KCNK2: variants seen among roughly 807,000 people sequenced by gnomAD.
KCNK2 encodes the protein potassium two pore domain channel subfamily K member 2.
Under a neutral mutation model 40.5 loss-of-function variants are expected in KCNK2, and 21 were observed. The ratio of observed to expected loss-of-function variants is 0.52; its 90% CI spans 0.37 to 0.75. KCNK2 has a LOEUF of 0.75. Among genes scored for constraint, KCNK2 ranks in the 30% least tolerant of loss-of-function variants. The pLI is 0.00. For synonymous variants in KCNK2, 191 were observed against 202.2 expected (o/e 0.94, Z 0.47); for missense variants, 399 against 531.6 (o/e 0.75, Z 2.45).
intron 3 of KCNK2, among the ~76,000 whole-genome samples, chr1:215,151,772 G>T (rs1490265448): frequency 1.3e-5 from 2 of 151,650 alleles, no homozygotes; most frequent in Non-Finnish European, 2.9e-5. Flanking sequence ...TTTTTTGTTT[G>T]TTTTTTATTA....
At chr1:215,144,753 TG>T (rs890863326) in intron 3 of KCNK2, among the ~76,000 whole-genome samples, 2 of 152,146 alleles carry the variant, frequency 1.3e-5, no homozygotes, top group Non-Finnish European at 2.9e-5. Flanking sequence ...TGGTTTATAT[TG>T]TGAATATAAA....
At chr1:215,135,194 C>T (rs1451867958) in intron 3 of KCNK2, among the ~76,000 whole-genome samples, 1 of 152,014 alleles carries the variant, frequency 6.6e-6, no homozygotes, top group Non-Finnish European at 1.5e-5. Context: ...AGGAGTGATA[C>T]AGTACAAGGA....
intron 3 of KCNK2, among the ~76,000 whole-genome samples, chr1:215,162,896 G>A (rs570238041): frequency 1.6e-4 from 24 of 150,548 alleles, no homozygotes; most frequent in African/African-American, 4.4e-4. Flanking sequence ...TATTAGGATC[G>A]TCTTGGCTAT....
chr1:215,088,812 G>A (rs1659570143), intron 2 of KCNK2, among the ~76,000 whole-genome samples: 2 of 151,974 alleles, frequency 1.3e-5, no homozygotes, highest in South Asian at 4.1e-4. Context: ...TTTTCTTTAT[G>A]CTCTGCATTG....
chr1:215,028,619 A>G, intron 1 of KCNK2, among the ~76,000 whole-genome samples: 1 of 152,280 alleles, frequency 6.6e-6, no homozygotes, highest in South Asian at 2.1e-4. Context: ...CAGACATTTA[A>G]AAGCTATGCA....
intron 2 of KCNK2, among the ~76,000 whole-genome samples, chr1:215,119,963 A>G (rs1661108657): frequency 6.6e-6 from 1 of 152,138 alleles, no homozygotes; most frequent in African/African-American, 2.4e-5. Flanking sequence ...TTTCCTGTGG[A>G]TGTTGACCAA....
intron 6 of KCNK2, among the ~76,000 whole-genome samples, chr1:215,203,266 C>T (rs1665152834): frequency 6.6e-6 from 1 of 152,142 alleles, no homozygotes; most frequent in Non-Finnish European, 1.5e-5. Flanking sequence ...GGTTTTGAGG[C>T]CAACAGAACT....
intron 1 of KCNK2, among the ~76,000 whole-genome samples, chr1:215,036,783 T>G (rs2102489731): frequency 6.6e-6 from 1 of 152,052 alleles, no homozygotes; most frequent in African/African-American, 2.4e-5. Context: ...ATTTTGATGT[T>G]TTTGTGTGTG....
chr1:215,051,658 C>T (rs1048145785), intron 1 of KCNK2, among the ~76,000 whole-genome samples: 4 of 152,088 alleles, frequency 2.6e-5, no homozygotes, highest in Non-Finnish European at 5.9e-5. Flanking sequence ...TGGGGCACAA[C>T]ATTCAGGCTT....
chr1:215,136,163 C>T (rs561355032), intron 3 of KCNK2, among the ~76,000 whole-genome samples: 18 of 151,728 alleles, frequency 1.2e-4, no homozygotes, highest in African/African-American at 4.4e-4. Flanking sequence ...TAGCATGACC[C>T]CGGTTCACTT....
chr1:215,073,013 A>T (rs1400600213), intron 1 of KCNK2, among the ~76,000 whole-genome samples: 1 of 152,174 alleles, frequency 6.6e-6, no homozygotes, highest in Non-Finnish European at 1.5e-5. Flanking sequence ...TTAATCCAAT[A>T]TGAATGGTGT....
At chr1:215,162,440 C>T (rs1663242591) in intron 3 of KCNK2, among the ~76,000 whole-genome samples, 1 of 152,128 alleles carries the variant, frequency 6.6e-6, no homozygotes, top group South Asian at 2.1e-4. Context: ...TCCCGTTTGT[C>T]AATTTTGACT....
chr1:215,056,666 G>A lies in KCNK2; in HGVS notation c.35-29702G>A, dbSNP rs189767867. Among the ~76,000 whole-genome samples, 155 of 118,812 alleles carry A rather than the reference G, an allele frequency of 1.3e-3. 3 individuals are homozygous for A. In the Admixed American group the frequency reaches 0.015, roughly 12 times the overall value. 77.9% of individuals were successfully genotyped at this position (118,812 alleles called of 152,430 possible). ...TGATGGGGTCTCCTTATGTTGCCCAGACTGGTTTTGCACTCCTGGACTCAA... is the reference window on the plus strand; with the variant it reads ...TGATGGGGTCTCCTTATGTTGCCCAAACTGGTTTTGCACTCCTGGACTCAA... On this transcript the variant is annotated intron_variant, in intron 1 of 6. Coordinates refer to the KCNK2 transcript ENST00000391895.
At chr1:215,063,310 T>C (rs1280795465) in intron 1 of KCNK2, among the ~76,000 whole-genome samples, 1 of 152,196 alleles carries the variant, frequency 6.6e-6, no homozygotes, top group Non-Finnish European at 1.5e-5. Flanking sequence ...AGCTGGATTG[T>C]ACTATTGTCA....
chr1:215,067,760 G>A (rs1287620133), intron 1 of KCNK2, among the ~76,000 whole-genome samples: 1 of 152,142 alleles, frequency 6.6e-6, no homozygotes, highest in Non-Finnish European at 1.5e-5. Context: ...CAGCTACTTG[G>A]AAGGCTGAGG....
intron 2 of KCNK2, among the ~76,000 whole-genome samples, chr1:215,116,424 C>A (rs1660947475): frequency 6.6e-6 from 1 of 151,992 alleles, no homozygotes; most frequent in Non-Finnish European, 1.5e-5. Flanking sequence ...CCAGGAAAGA[C>A]AACCCAAATA....
At chr1:215,033,775 C>T (rs1291276690) in intron 1 of KCNK2, among the ~76,000 whole-genome samples, 1 of 152,114 alleles carries the variant, frequency 6.6e-6, no homozygotes, top group African/African-American at 2.4e-5. Context: ...TAAATAATTT[C>T]TCCTGAGGGC....
chr1:215,068,503 T>C (rs1254292673), intron 1 of KCNK2, among the ~76,000 whole-genome samples: 1 of 152,222 alleles, frequency 6.6e-6, no homozygotes, highest in Non-Finnish European at 1.5e-5. Context: ...AGGTTTTTTG[T>C]TTTTGTTTTT....
chr1:215,235,239 G>GA lies in KCNK2; in HGVS notation c.*95dup, dbSNP rs1666834524. On this transcript the variant is annotated 3_prime_UTR_variant, in exon 7 of 7. Transcript: ENST00000444842. Reference sequence around the variant, plus strand: ...TGGTAGCATTTTTTAAATTGTGCATGAGCTCAAAGGGGGAACAAAATAGAT... The same window carrying GA: ...TGGTAGCATTTTTTAAATTGTGCATGAAGCTCAAAGGGGGAACAAAATAGAT... 1.9e-6 allele frequency: 2 copies of GA among 1,060,434 alleles called. No homozygotes were observed. Among genetic ancestry groups the GA allele is most frequent in the African/African-American group, 1.6e-5 (1 of 63,276 alleles). 65.7% of individuals were successfully genotyped at this position (1,060,434 alleles called of 1,614,324 possible). A position where few individuals can be genotyped will look rare whatever the true frequency, so the allele number is the denominator to read the frequency against.
Sources: allele counts gnomAD v4.1 joint callset (sites outside exome capture counted in the v4.1 genomes callset), GRCh38; gene constraint gnomAD v4.1.1; transcripts MANE v1.5; gene names NCBI Gene and HGNC (gene_info 2026-07-23, HGNC 2026-07-21).